Variants in NAALADL2 observed in about 807,000 individuals in gnomAD.
NAALADL2 encodes the protein inactive N-acetylated-alpha-linked acidic dipeptidase-like protein 2.
In NAALADL2, 76 loss-of-function variants were observed where a neutral mutation model predicts 87.2. The ratio of observed to expected loss-of-function variants is 0.87; its 90% confidence interval spans 0.72 to 1.05. The LOEUF (loss-of-function observed/expected upper bound fraction) is 1.05. NAALADL2 is among the 50% of genes least tolerant of loss of function. The pLI is 0.00. For synonymous variants in NAALADL2, 354 were observed against 331.0 expected (o/e 1.07, Z -0.75); for missense variants, 1,089 against 945.8 (o/e 1.15, Z -1.99).
chr3:175,140,870 C>A (rs1016703254), intron 2 of NAALADL2, among the ~76,000 whole-genome samples: 1 of 152,184 alleles, frequency 6.6e-6, no homozygotes, highest in Non-Finnish European at 1.5e-5. Flanking sequence ...GAGCATGATC[C>A]TGTCTCATAT....
At chr3:175,495,374 C>T (rs1728669600) in intron 9 of NAALADL2, among the ~76,000 whole-genome samples, 2 of 152,208 alleles carry the variant, frequency 1.3e-5, no homozygotes. Context: ...AATGCCAAGT[C>T]ATTGTACTAT....
intron 5 of NAALADL2, among the ~76,000 whole-genome samples, chr3:175,353,251 A>T (rs1029575990): frequency 7.9e-5 from 12 of 152,030 alleles, no homozygotes; most frequent in Admixed American, 6.6e-4. Flanking sequence ...ATGCACCAGT[A>T]GTCCCATCTA....
rs1224578793 is a variant in NAALADL2 at position 175,109,635 on chromosome 3, T to C, written c.545+12344T>C. 4.0e-5 allele frequency among the ~76,000 whole-genome samples: 6 copies of C among 151,826 alleles called. No homozygotes were observed. The East Asian group carries it at 1.2e-3, about 29-fold the overall frequency. ...GATTATTTGGGATGCAGTGGTCAGT[T>C]CAACTTCAAACGAACACTTACTGTG... On this transcript the variant is annotated intron_variant, in intron 2 of 13. Coordinates refer to ENST00000454872, the MANE Select transcript of NAALADL2 (RefSeq NM_207015.3).
chr3:175,308,437 C>T (rs894711760), intron 4 of NAALADL2, among the ~76,000 whole-genome samples: 3 of 152,122 alleles, frequency 2.0e-5, no homozygotes, highest in African/African-American at 4.8e-5. Flanking sequence ...TAGGGGGTTG[C>T]GTGGCAGGGG....
chr3:175,104,365 C>G (rs902125618), intron 2 of NAALADL2, among the ~76,000 whole-genome samples: 2 of 152,038 alleles, frequency 1.3e-5, no homozygotes, highest in Non-Finnish European at 2.9e-5. Flanking sequence ...AGTGGTTTGT[C>G]TCTCCTCTGA....
chr3:174,771,352 T>A (rs560294322), intron 3 of NAALADL2, among the ~76,000 whole-genome samples: 1 of 152,164 alleles, frequency 6.6e-6, no homozygotes, highest in Non-Finnish European at 1.5e-5. Flanking sequence ...GAAGTATATA[T>A]TGATAGAAAA....
At chr3:174,741,990 ATAT>A (rs552229970) in intron 3 of NAALADL2, among the ~76,000 whole-genome samples, 49 of 151,584 alleles carry the variant, frequency 3.2e-4, no homozygotes, top group African/African-American at 1.0e-3. Flanking sequence ...ACATGTTTTT[ATAT>A]TATTCTTTCC....
chr3:175,454,316 T>A (rs1373270221), intron 6 of NAALADL2, among the ~76,000 whole-genome samples: 1 of 152,108 alleles, frequency 6.6e-6, no homozygotes, highest in Non-Finnish European at 1.5e-5. Context: ...TTAGAAGTTA[T>A]AAATACATTT....
In NAALADL2 at chr3:175,102,172, T is replaced by C. The variant is rs2108422661; in HGVS notation, c.545+4881T>C. Among the ~76,000 whole-genome samples, 3 of 152,358 alleles carry C rather than the reference T, an allele frequency of 2.0e-5. 1 individual carries two copies. The Middle Eastern group carries it at 0.01, about 518-fold the overall frequency. ...GTCATGTAATTTAACCTATTTCTTATACAGGGACCTTTAGGTTCCCTCTGT... is the reference window on the plus strand; with the variant it reads ...GTCATGTAATTTAACCTATTTCTTACACAGGGACCTTTAGGTTCCCTCTGT... On this transcript the variant is annotated intron_variant, in intron 2 of 13. Coordinates refer to ENST00000454872, the MANE Select transcript of NAALADL2 (RefSeq NM_207015.3).
intron 1 of NAALADL2, among the ~76,000 whole-genome samples, chr3:174,530,023 T>G (rs1721099726): frequency 6.6e-6 from 1 of 152,202 alleles, no homozygotes; most frequent in African/African-American, 2.4e-5. Flanking sequence ...CTTGAATTTC[T>G]TCTCAGAAAG....
intron 9 of NAALADL2, among the ~76,000 whole-genome samples, chr3:175,487,814 A>G (rs753732696): frequency 6.6e-6 from 1 of 152,216 alleles, no homozygotes; most frequent in Non-Finnish European, 1.5e-5. Flanking sequence ...TGTCTAATCC[A>G]GATATGGTAA....
At chr3:175,582,243 A>G (rs1719895648) in intron 10 of NAALADL2, among the ~76,000 whole-genome samples, 1 of 152,174 alleles carries the variant, frequency 6.6e-6, no homozygotes, top group South Asian at 2.1e-4. Flanking sequence ...AGAATGGAGA[A>G]TGGAGATACA....
chr3:175,721,637 A>G lies in NAALADL2; in HGVS notation c.1897-15669A>G, dbSNP rs182963431. Among the ~76,000 whole-genome samples, 190 of 152,252 alleles carry G rather than the reference A, an allele frequency of 1.2e-3. 1 individual carries two copies. Among genetic ancestry groups the G allele is most frequent in the African/African-American group, 4.4e-3 (184 of 41,574 alleles). ...GATATACAGGCATCAACTAACATGTATACAAAATAAAAACTGATCGAGCTA... is the reference window on the plus strand; with the variant it reads ...GATATACAGGCATCAACTAACATGTGTACAAAATAAAAACTGATCGAGCTA... On this transcript the variant is annotated intron_variant, in intron 11 of 13. Coordinates refer to ENST00000454872, the MANE Select transcript of NAALADL2 (RefSeq NM_207015.3).
intron 1 of NAALADL2, among the ~76,000 whole-genome samples, chr3:174,506,564 T>A (rs1719218159): frequency 6.6e-6 from 1 of 152,210 alleles, no homozygotes; most frequent in Non-Finnish European, 1.5e-5. Flanking sequence ...ATCTAGTTTT[T>A]CACCATATAA....
intron 3 of NAALADL2, among the ~76,000 whole-genome samples, chr3:174,837,997 C>T (rs919901018): frequency 7.1e-6 from 1 of 140,170 alleles, no homozygotes; most frequent in African/African-American, 2.7e-5. Context: ...AATACCAAAA[C>T]CAGGAAAGGA....
chr3:175,119,983 A>G (rs1307013676), intron 2 of NAALADL2, among the ~76,000 whole-genome samples: 1 of 150,868 alleles, frequency 6.6e-6, no homozygotes, highest in Non-Finnish European at 1.5e-5. Flanking sequence ...CGGTGTTGTA[A>G]TGATTCTAAT....
chr3:175,178,541 C>T (rs2108968689), intron 2 of NAALADL2, among the ~76,000 whole-genome samples: 1 of 152,084 alleles, frequency 6.6e-6, no homozygotes, highest in Admixed American at 6.6e-5. Flanking sequence ...CTGAAGACAG[C>T]CAGGACACTC....
intron 2 of NAALADL2, among the ~76,000 whole-genome samples, chr3:174,721,295 G>C (rs552100644): frequency 6.6e-6 from 1 of 152,268 alleles, no homozygotes; most frequent in East Asian, 1.9e-4. Context: ...GAAAGCATTT[G>C]TAATATGACA....
At chr3:175,331,973 A>G (rs1761458053) in intron 5 of NAALADL2, among the ~76,000 whole-genome samples, 1 of 152,178 alleles carries the variant, frequency 6.6e-6, no homozygotes, top group Admixed American at 6.5e-5. Context: ...AAAAAACGCA[A>G]TCCCATTCAC....
Sources: gnomAD v4.1 joint callset for allele counts (sites outside exome capture counted in the v4.1 genomes callset) on GRCh38, gnomAD v4.1.1 for gene constraint, MANE v1.5 for transcripts, NCBI Gene and HGNC (gene_info 2026-07-23, HGNC 2026-07-21) for gene names.